KDM4C: variants seen among roughly 807,000 people sequenced by gnomAD.
The protein encoded by KDM4C is lysine-specific demethylase 4C.
A neutral mutation model predicts 129.3 loss-of-function variants in KDM4C; 81 were observed. The ratio of observed to expected loss-of-function variants is 0.63; its 90% CI spans 0.52 to 0.75. KDM4C has a LOEUF of 0.75. KDM4C is among the 30% of genes least tolerant of loss of function. The pLI, the probability that KDM4C is intolerant of heterozygous loss-of-function variation, is 0.00. For synonymous variants in KDM4C, 573 were observed against 456.1 expected, an observed-to-expected ratio of 1.26 and a Z score of -3.26; for missense variants, 1,457 against 1,304.0, an observed-to-expected ratio of 1.12 and a Z score of -1.81.
At position 6,805,788 on chromosome 9, in the gene KDM4C, G is replaced by T. The variant is rs531843977; in HGVS notation, c.320+14G>T. The T allele has an allele frequency of 6.2e-7, 1 of 1,601,994 alleles. No individual in the cohort carries two copies. Among genetic ancestry groups the T allele is most frequent in the African/African-American group, 1.3e-5 (1 of 74,664 alleles). ...CAACAGTGGCAAGTGAGTAGAATCA[G>T]TTTGCTATTTCTGTTTCCTTCAAAG... On this transcript the variant is annotated intron_variant, in intron 3 of 21. Transcript: ENST00000381309.
chr9:6,798,091 T>C (rs12002689), intron 2 of KDM4C, among the ~76,000 whole-genome samples: 55,565 of 152,054 alleles, frequency 0.37, 10,872 homozygotes, highest in Non-Finnish European at 0.41. Context: ...GCTGAACTTC[T>C]GAAAATATAT....
intron 17 of KDM4C, among the ~76,000 whole-genome samples, chr9:7,050,941 T>G (rs1022685185): frequency 2.6e-5 from 4 of 152,196 alleles, no homozygotes; most frequent in Non-Finnish European, 4.4e-5. Flanking sequence ...ATCTTGATAG[T>G]GCATATCACA....
intron 8 of KDM4C, among the ~76,000 whole-genome samples, chr9:6,951,644 G>C (rs971153658): frequency 6.6e-6 from 1 of 152,098 alleles, no homozygotes; most frequent in Non-Finnish European, 1.5e-5. Context: ...AATTATAACA[G>C]GACAATTACC....
At chr9:7,120,696 A>G (rs1839397303) in intron 18 of KDM4C, among the ~76,000 whole-genome samples, 2 of 152,230 alleles carry the variant, frequency 1.3e-5, no homozygotes, top group Non-Finnish European at 2.9e-5. Context: ...TATGAGATGT[A>G]GGTAAGTCAG....
chr9:6,723,115 T>C (rs914675786), intron 1 of KDM4C, among the ~76,000 whole-genome samples: 2 of 152,152 alleles, frequency 1.3e-5, no homozygotes, highest in African/African-American at 4.8e-5. Context: ...GATGCTTGGC[T>C]GGGCGCCATA....
intron 17 of KDM4C, among the ~76,000 whole-genome samples, chr9:7,052,909 G>GAGAGAGAGAGAGAGAGAGA (rs767668455): frequency 1.0e-5 from 1 of 100,138 alleles, no homozygotes. Flanking sequence ...GAGCGAGCGA[G>GAGAGAGAGAGAGAGAGAGA]TGCCCAAGGG....
chr9:6,950,791 C>CA (rs1357917524), intron 8 of KDM4C, among the ~76,000 whole-genome samples: 3 of 152,160 alleles, frequency 2.0e-5, no homozygotes, highest in African/African-American at 7.2e-5. Context: ...TAAGGAGGTG[C>CA]ATATGCCTTT....
Position 6,916,434 on chromosome 9 carries a change from G to A in KDM4C, c.921+23202G>A, listed in dbSNP as rs767961541. 1.6e-4 allele frequency among the ~76,000 whole-genome samples: 25 copies of A among 151,916 alleles called. 1 individual carries two copies. The highest frequency in any genetic ancestry group is 3.2e-4 in the Non-Finnish European group (22 of 67,982). ...CCTGCCACAGCCTTCCGAGCAGCTG[G>A]GACTTCTTAATTTGTTTTTTTATAG... On this transcript the variant is annotated intron_variant, in intron 8 of 21. Coordinates refer to ENST00000381309, the MANE Select transcript of KDM4C (RefSeq NM_015061.6).
chr9:6,995,116 A>G (rs1819455328), intron 12 of KDM4C, among the ~76,000 whole-genome samples: 1 of 151,172 alleles, frequency 6.6e-6, no homozygotes, highest in African/African-American at 2.4e-5. Flanking sequence ...CAGCACATTA[A>G]TTAGAGAATG....
chr9:6,941,819 T>G (rs1032147728), intron 8 of KDM4C: 22 of 152,168 alleles, frequency 1.4e-4, no homozygotes, highest in African/African-American at 3.9e-4. Context: ...CCTGCAGATG[T>G]GAGCAAGTGT....
At chr9:6,852,830 C>G (rs1345359067) in intron 5 of KDM4C, among the ~76,000 whole-genome samples, 2 of 152,204 alleles carry the variant, frequency 1.3e-5, no homozygotes, top group African/African-American at 4.8e-5. Context: ...CTGCTCTCAT[C>G]TGTCCATGTT....
At chr9:6,953,534 A>G (rs577157798) in intron 8 of KDM4C, among the ~76,000 whole-genome samples, 2 of 152,348 alleles carry the variant, frequency 1.3e-5, no homozygotes, top group African/African-American at 4.8e-5. Context: ...TTATTAGAAT[A>G]TGAAATATAA....
At chr9:6,783,685 C>T (rs1563995810) in intron 1 of KDM4C, among the ~76,000 whole-genome samples, 1 of 152,158 alleles carries the variant, frequency 6.6e-6, no homozygotes, top group Non-Finnish European at 1.5e-5. Context: ...GCTAGTTGCC[C>T]ACCACCCACA....
At chr9:6,982,024 G>A (rs1473250150) in intron 9 of KDM4C, 1 of 151,684 alleles carries the variant, frequency 6.6e-6, no homozygotes, top group African/African-American at 2.4e-5. Context: ...CCAAAATTGG[G>A]GCCATGCTCT....
chr9:6,841,205 A>G (rs1041558551), intron 4 of KDM4C, among the ~76,000 whole-genome samples: 3 of 152,196 alleles, frequency 2.0e-5, no homozygotes, highest in East Asian at 1.9e-4. Flanking sequence ...AATTTCAAAA[A>G]TTTTTATTGG....
At chr9:6,985,674 A>G (rs552412031) in intron 10 of KDM4C, among the ~76,000 whole-genome samples, 3 of 152,278 alleles carry the variant, frequency 2.0e-5, no homozygotes, top group African/African-American at 4.8e-5. Flanking sequence ...ATATTTCACT[A>G]TAGTCCCTTT....
chr9:6,791,313 G>A (rs1274295475), intron 1 of KDM4C, among the ~76,000 whole-genome samples: 6 of 152,126 alleles, frequency 3.9e-5, no homozygotes, highest in South Asian at 2.1e-4. Flanking sequence ...GCGTTTTACC[G>A]TGTTGCCCGG....
intron 18 of KDM4C, among the ~76,000 whole-genome samples, chr9:7,116,405 A>G (rs1564138183): frequency 1.2e-5 from 1 of 82,294 alleles, no homozygotes; most frequent in Non-Finnish European, 2.6e-5. Context: ...TGAGAAAGTA[A>G]CTTTAATTGA....
chr9:7,128,330 TG>T, intron 19 of KDM4C, 94 bp downstream of exon 19: 1 of 914,324 alleles, frequency 1.1e-6, no homozygotes, highest in Non-Finnish European at 1.6e-6. Context: ...TTTGGCTTTT[TG>T]AGTAGCTCAT....
Sources: allele counts gnomAD v4.1 joint callset (sites outside exome capture counted in the v4.1 genomes callset), GRCh38; gene constraint gnomAD v4.1.1; transcripts MANE v1.5; gene names NCBI Gene and HGNC (gene_info 2026-07-23, HGNC 2026-07-21).